EMC10: variants seen among roughly 807,000 people sequenced by gnomAD.
The protein encoded by EMC10 is UPF0510 protein INM02.
EMC10 carries 40 observed loss-of-function variants against 32.2 expected under a neutral mutation model. The ratio of observed to expected loss-of-function variants is 1.24; its 90% CI spans 0.96 to 1.61. The LOEUF (loss-of-function observed/expected upper bound fraction) is 1.61. Ranked by LOEUF, EMC10 falls within the 40% of genes most tolerant of loss-of-function variation. The pLI, the probability that EMC10 is intolerant of heterozygous loss-of-function variation, is 0.00. For synonymous variants in EMC10, 178 were observed against 158.4 expected (o/e 1.12, Z -0.93); for missense variants, 402 against 357.7 (o/e 1.12, Z -1.00).
chr19:50,480,564 C>T lies in EMC10; in HGVS notation c.403-17C>T, dbSNP rs1019709471. The T allele has an allele frequency of 1.1e-5, 17 of 1,550,002 alleles. No individual in the cohort carries two copies. In the African/African-American group the frequency reaches 2.3e-4, roughly 21 times the overall value. On this transcript the variant is annotated splice_polypyrimidine_tract_variant and intron_variant, in intron 4 of 6. Coordinates refer to ENST00000334976, the MANE Select transcript of EMC10 (RefSeq NM_206538.4). The surrounding 1 kb of genome is among the most constrained non-coding windows in gnomAD (Gnocchi z 4.4). ...GCAGCAGGCTCCCCACCTCCACTGACCCCACTCCCCCCACAGTGCTCCCTG... is the reference window on the plus strand; with the variant it reads ...GCAGCAGGCTCCCCACCTCCACTGATCCCACTCCCCCCACAGTGCTCCCTG...
At chr19:50,482,012 G>T in intron 6 of EMC10, 137 bp from the exon 7 acceptor site, 1 of 1,592,344 alleles carries the variant, frequency 6.3e-7, no homozygotes. Context: ...TAGTGACGTA[G>T]GGGACCTGGG....
chr19:50,480,941 G>T lies in EMC10; in HGVS notation c.642G>T (p.Lys214Asn). ...RLEMEQAQKA[K>N]NPQEQKSFFA... ...AGATGGAACAGGCCCAGAAGGCCAA[G>T]AACCCCCAGGAGCAGAAGTCCTTCT... is the stretch of plus-strand genomic sequence containing the variant. The change falls in exon 6 of 7, where the codon AAG (lysine) becomes AAT (asparagine). Residue 214 changes from lysine (K) to asparagine (N), a missense_variant. Lys to Asn is a moderately conservative substitution (Grantham distance 94, BLOSUM62 0). Transcript: ENST00000334976. This position sits in a 1 kb window ranked among gnomAD's most constrained non-coding sequence, Gnocchi z 4.4. 1 of 1,612,956 alleles carries T rather than the reference G, an allele frequency of 6.2e-7. No individual in the cohort carries two copies. The highest frequency in any genetic ancestry group is 1.1e-5 in the South Asian group (1 of 91,038).
rs369893864 is a variant in EMC10 at position 50,480,729 on chromosome 19, C to G, written c.551C>G (p.Ser184Trp). 9.4e-6 allele frequency: 15 copies of G among 1,602,642 alleles called. 1 individual carries two copies. In the Middle Eastern group the frequency reaches 9.9e-4, roughly 106 times the overall value. The change falls in exon 5 of 7, where the codon TCG (serine) becomes TGG (tryptophan). Residue 184 changes from serine (S) to tryptophan (W), a missense_variant. Coordinates refer to ENST00000334976, the MANE Select transcript of EMC10 (RefSeq NM_206538.4). The surrounding 1 kb of genome is among the most constrained non-coding windows in gnomAD (Gnocchi z 4.4). ...GTGGACCTGGAGCTGTTCAACACCT[C>G]GGTGCAGCTGCAGCCGCCCACCACA... ...EDVDLELFNT[S>W]VQLQPPTTAP...
In EMC10 at chr19:50,482,518, C is replaced by A; in HGVS notation, c.*259C>A. ...CCATGCAGCCCCAGGGGCTTCCCCCCTGCCCATGGAGTAGAGCCCGAGATC... is the reference window on the plus strand; with the variant it reads ...CCATGCAGCCCCAGGGGCTTCCCCCATGCCCATGGAGTAGAGCCCGAGATC... On this transcript the variant is annotated 3_prime_UTR_variant, in exon 7 of 7. Transcript: ENST00000334976. 1.8e-6 allele frequency: 1 copy of A among 563,508 alleles called. No individual in the cohort carries two copies. The highest frequency in any genetic ancestry group is 3.1e-5 in the East Asian group (1 of 32,762). 34.9% of individuals were successfully genotyped at this position (563,508 alleles called of 1,614,324 possible). A position where few individuals can be genotyped will look rare whatever the true frequency, so the allele number is the denominator to read the frequency against.
At position 50,480,521 on chromosome 19, in the gene EMC10, G is replaced by A. The variant is rs2040300685; in HGVS notation, c.403-60G>A. The A allele has an allele frequency of 2.6e-6, 4 of 1,529,378 alleles. No homozygotes were observed. Among genetic ancestry groups the A allele is most frequent in the Admixed American group, 4.1e-5 (2 of 49,376 alleles). 94.7% of individuals were successfully genotyped at this position (1,529,378 alleles called of 1,614,324 possible). A position where few individuals can be genotyped will look rare whatever the true frequency, so the allele number is the denominator to read the frequency against. ...GGGTCCTGTGGTGGGGGCCGGGGGA[G>A]GTTAGGGTGGAGCCCAGGCAGCAGG... On this transcript the variant is annotated intron_variant, in intron 4 of 6. Transcript: ENST00000334976. The surrounding 1 kb of genome is among the most constrained non-coding windows in gnomAD (Gnocchi z 4.4).
intron 3 of EMC10, 148 bp downstream of exon 3, chr19:50,479,214 A>G (rs902805931): frequency 5.3e-5 from 34 of 640,604 alleles, no homozygotes; most frequent in Non-Finnish European, 8.5e-5. Flanking sequence ...CTCTGTCCTC[A>G]ATGACTGCCC....
Position 50,483,518 on chromosome 19 carries a change from C to A in EMC10, c.*1259C>A, listed in dbSNP as rs1389745994. 5.9e-6 allele frequency: 1 copy of A among 170,216 alleles called. No homozygotes were observed. The highest frequency in any genetic ancestry group is 1.3e-5 in the Non-Finnish European group (1 of 79,394). The allele number at this position is 170,216 out of a possible 1,614,324, so 10.5% of individuals were successfully genotyped here. A position where few individuals can be genotyped will look rare whatever the true frequency, so the allele number is the denominator to read the frequency against. ...AAGTGATGGTTTGTGAGTCGACTGT[C>A]AAGACCAGGAGGTGGTGCACCGTGG... On this transcript the variant is annotated 3_prime_UTR_variant, in exon 7 of 7. Coordinates refer to ENST00000334976, the MANE Select transcript of EMC10 (RefSeq NM_206538.4).
chr19:50,479,937 C>T (rs1273498904), intron 3 of EMC10, among the ~76,000 whole-genome samples, 174 bp from the exon 4 acceptor site: 2 of 152,158 alleles, frequency 1.3e-5, no homozygotes, highest in African/African-American at 2.4e-5. Flanking sequence ...ACCCACCAGC[C>T]GGGCCACCCC....
chr19:50,476,602 G>C lies in EMC10; in HGVS notation c.58G>C (p.Ala20Pro), dbSNP rs2040224852. The part of the protein sequence containing the change: ...RLLLLLLMAV[A>P]APSRARGSGC... Reference sequence around the variant, plus strand: ...GCTCCTGCTCTTGCTGATGGCGGTAGCAGCGCCCAGTCGAGCCCGGGGCAG... The same window carrying C: ...GCTCCTGCTCTTGCTGATGGCGGTACCAGCGCCCAGTCGAGCCCGGGGCAG... Residue 20 changes from alanine (A) to proline (P), a missense_variant, in exon 1 of 7, where the codon GCA becomes CCA. Physicochemically the swap from Ala to Pro is conservative, Grantham distance 27 (BLOSUM62 -1). Transcript: ENST00000334976. 1.9e-6 allele frequency: 3 copies of C among 1,568,898 alleles called. No homozygotes were observed. The highest frequency in any genetic ancestry group is 2.3e-5 in the South Asian group (2 of 87,052).
chr19:50,483,245 C>G lies in EMC10; in HGVS notation c.*986C>G, dbSNP rs559402685. ...ATTGAAATTCACTGCTCACTTGATA[C>G]GTTATTCAGAAACCCAAGGAATGGC... On this transcript the variant is annotated 3_prime_UTR_variant, in exon 7 of 7. Transcript: ENST00000334976. 2.1e-4 allele frequency: 83 copies of G among 401,172 alleles called. No homozygotes were observed. Among genetic ancestry groups the G allele is most frequent in the Middle Eastern group, 3.5e-4 (1 of 2,822 alleles). 24.9% of individuals were successfully genotyped at this position (401,172 alleles called of 1,614,324 possible). A position where few individuals can be genotyped will look rare whatever the true frequency, so the allele number is the denominator to read the frequency against.
chr19:50,488,848 G>A lies in EMC10; in HGVS notation c.*6589G>A, dbSNP rs894652616. 6.6e-6 allele frequency: 1 copy of A among 151,720 alleles called. No homozygotes were observed. Among genetic ancestry groups the A allele is most frequent in the Non-Finnish European group, 1.5e-5 (1 of 68,144 alleles). The allele number at this position is 151,720 out of a possible 1,614,324, so 9.4% of individuals were successfully genotyped here. ...GAAGAGCCGGACAGGGAGAGCAGAA[G>A]TGAGAAAAAGGAGGGTGGCCACAGA... On this transcript the variant is annotated 3_prime_UTR_variant, in exon 7 of 7. Coordinates refer to ENST00000334976, the MANE Select transcript of EMC10 (RefSeq NM_206538.4).
chr19:50,477,939 A>G lies in EMC10; in HGVS notation c.125A>G (p.Glu42Gly), dbSNP rs758666513. ...CTGTGTCCTCTGCAGGCTGGGGCGGAAGGTCGAGAGGGCGAGGCCTGTGGC... is the reference window on the plus strand; with the variant it reads ...CTGTGTCCTCTGCAGGCTGGGGCGGGAGGTCGAGAGGGCGAGGCCTGTGGC... Reference protein sequence around the residue: ...AGTGARGAGAEGREGEACGTV... With the variant: ...AGTGARGAGAGGREGEACGTV... The change falls in exon 2 of 7, where the codon GAA (glutamate) becomes GGA (glycine). Residue 42 changes from glutamate to glycine, a missense_variant. Transcript: ENST00000334976. 6.3e-7 allele frequency: 1 copy of G among 1,596,866 alleles called. No homozygotes were observed.
chr19:50,476,517 G>A lies in EMC10; in HGVS notation c.-28G>A. On this transcript the variant is annotated 5_prime_UTR_variant, in exon 1 of 7. Transcript: ENST00000334976. ...GCTCCGCGGCTCTTGGCTCACAGCC[G>A]TCCCTTCGCTGGTGGGAAGAAGCCG... 6.4e-7 allele frequency: 1 copy of A among 1,568,946 alleles called. No homozygotes were observed. The highest frequency in any genetic ancestry group is 2.4e-5 in the East Asian group (1 of 42,428).
In EMC10 at chr19:50,490,303, C is replaced by G. The variant is rs549691846; in HGVS notation, c.*8044C>G. 1.2e-4 allele frequency: 19 copies of G among 152,142 alleles called. No individual in the cohort carries two copies. The highest frequency in any genetic ancestry group is 4.3e-4 in the African/African-American group (18 of 41,494). 9.4% of individuals were successfully genotyped at this position (152,142 alleles called of 1,614,324 possible). Reference sequence around the variant, plus strand: ...TAATTTTTGTATTTTTTAGTAGAGACGGGGTTTCACCATTTTGGCTAGGCT... The same window carrying G: ...TAATTTTTGTATTTTTTAGTAGAGAGGGGGTTTCACCATTTTGGCTAGGCT... On this transcript the variant is annotated 3_prime_UTR_variant, in exon 7 of 7. Transcript: ENST00000334976.
At chr19:50,477,678 C>G (rs1294425870) in intron 1 of EMC10, among the ~76,000 whole-genome samples, 1 of 152,134 alleles carries the variant, frequency 6.6e-6, no homozygotes, top group Admixed American at 6.5e-5. Context: ...TGGAAGTGAC[C>G]TTGGGATAGT....
rs753232559 is a variant in EMC10, at chr19:50,482,209, G to A, written c.739G>A (p.Gly247Ser). ...LMMSGAPDTG[G>S]QGGGGGGGGG... Reference sequence around the variant, plus strand: ...GATGTCAGGAGCGCCAGACACCGGGGGCCAGGGTGGGGGTGGGGGTGGGGG... The same window carrying A: ...GATGTCAGGAGCGCCAGACACCGGGAGCCAGGGTGGGGGTGGGGGTGGGGG... Residue 247 changes from glycine to serine, a missense_variant, in exon 7 of 7, where the codon GGC becomes AGC. Physicochemically the swap from Gly to Ser is moderately conservative, Grantham distance 56. Coordinates refer to ENST00000334976, the MANE Select transcript of EMC10 (RefSeq NM_206538.4). 4.1e-6 allele frequency: 4 copies of A among 979,876 alleles called. No homozygotes were observed. Among genetic ancestry groups the A allele is most frequent in the Admixed American group, 3.6e-5 (2 of 55,234 alleles). 60.7% of individuals were successfully genotyped at this position (979,876 alleles called of 1,614,324 possible). A position where few individuals can be genotyped will look rare whatever the true frequency, so the allele number is the denominator to read the frequency against.
chr19:50,480,254 C>T lies in EMC10; in HGVS notation c.402+39C>T. On this transcript the variant is annotated intron_variant, in intron 4 of 6. Transcript: ENST00000334976. This position sits in a 1 kb window ranked among gnomAD's most constrained non-coding sequence, Gnocchi z 4.4. Reference sequence around the variant, plus strand: ...GGGGATGAGCCCCCTTCTCCCTCGTCCTCCTCATCCCCTACCCTGGTCCTG... The same window carrying T: ...GGGGATGAGCCCCCTTCTCCCTCGTTCTCCTCATCCCCTACCCTGGTCCTG... 11 of 1,555,692 alleles carry T rather than the reference C, an allele frequency of 7.1e-6. No individual in the cohort carries two copies. The highest frequency in any genetic ancestry group is 9.7e-6 in the Non-Finnish European group (11 of 1,134,690).
chr19:50,482,033 T>G, intron 6 of EMC10, 116 bp from the exon 7 acceptor site: 1 of 1,528,736 alleles, frequency 6.5e-7, no homozygotes, highest in African/African-American at 1.4e-5. Flanking sequence ...CGCCCTCCCC[T>G]TACGCGACCT....
In EMC10 at chr19:50,480,056, C is replaced by A; in HGVS notation, c.298-55C>A. On this transcript the variant is annotated intron_variant, in intron 3 of 6. Transcript: ENST00000334976. This position sits in a 1 kb window ranked among gnomAD's most constrained non-coding sequence, Gnocchi z 4.4. Reference sequence around the variant, plus strand: ...CGCGGAGGCCTGGTGGGCATCACAGCCTGTCCAGGGCTGACACCATCCTTC... The same window carrying A: ...CGCGGAGGCCTGGTGGGCATCACAGACTGTCCAGGGCTGACACCATCCTTC... 1 of 1,439,992 alleles carries A rather than the reference C, an allele frequency of 6.9e-7. No homozygotes were observed. Among genetic ancestry groups the A allele is most frequent in the South Asian group, 1.3e-5 (1 of 79,536 alleles). The allele number at this position is 1,439,992 out of a possible 1,614,324, so 89.2% of individuals were successfully genotyped here.
Sources: gnomAD v4.1 joint callset for allele counts (sites outside exome capture counted in the v4.1 genomes callset) on GRCh38, gnomAD v4.1.1 for gene constraint, Gnocchi (gnomAD v3.1) non-coding constraint, MANE v1.5 for transcripts, NCBI Gene and HGNC (gene_info 2026-07-23, HGNC 2026-07-21) for gene names.